Variants in CLMP observed in about 807,000 individuals in gnomAD.
The protein encoded by CLMP is CXADR-like membrane protein.
A neutral mutation model predicts 45.2 loss-of-function variants in CLMP; 27 were observed. The ratio of observed to expected loss-of-function variants is 0.60; its 90% confidence interval spans 0.44 to 0.82. The LOEUF is 0.82. CLMP is among the 40% of genes least tolerant of loss of function. The pLI, the probability that CLMP is intolerant of heterozygous loss-of-function variation, is 0.00. For synonymous variants in CLMP, 167 were observed against 171.4 expected, an observed-to-expected ratio of 0.97 and a Z score of 0.20; for missense variants, 403 against 448.4, an observed-to-expected ratio of 0.90 and a Z score of 0.91.
chr11:123,096,348 C>G (rs915058011), intron 2 of CLMP, among the ~76,000 whole-genome samples: 11 of 151,360 alleles, frequency 7.3e-5, no homozygotes, highest in African/African-American at 2.7e-4. Context: ...AGTGAGACTT[C>G]ATCTCAAACA....
chr11:123,159,722 T>G (rs1861459332), intron 1 of CLMP, among the ~76,000 whole-genome samples: 1 of 152,148 alleles, frequency 6.6e-6, no homozygotes, highest in Non-Finnish European at 1.5e-5. Context: ...TGTGGCACCT[T>G]GAGTCTGCAG....
chr11:123,158,488 C>T (rs1182610063), intron 1 of CLMP, among the ~76,000 whole-genome samples: 1 of 152,150 alleles, frequency 6.6e-6, no homozygotes, highest in Non-Finnish European at 1.5e-5. Context: ...TGGCCTGATG[C>T]CTTTGCAGCC....
chr11:123,091,305 A>C (rs1158331805), intron 2 of CLMP, among the ~76,000 whole-genome samples: 1 of 152,162 alleles, frequency 6.6e-6, no homozygotes, highest in African/African-American at 2.4e-5. Context: ...GGGTTTCACC[A>C]GTTTGGCCAA....
chr11:123,101,790 G>A (rs1257244257), intron 1 of CLMP, among the ~76,000 whole-genome samples: 1 of 152,198 alleles, frequency 6.6e-6, no homozygotes, highest in African/African-American at 2.4e-5. Flanking sequence ...AACCGCTTTT[G>A]CAAAGCTAAT....
chr11:123,177,885 TC>T (rs1342137505), intron 1 of CLMP, among the ~76,000 whole-genome samples: 1 of 152,216 alleles, frequency 6.6e-6, no homozygotes, highest in African/African-American at 2.4e-5. Flanking sequence ...ACACGGGGTC[TC>T]ACTCTGTTGC....
intron 1 of CLMP, among the ~76,000 whole-genome samples, chr11:123,139,784 C>A (rs911920863): frequency 6.6e-6 from 1 of 151,496 alleles, no homozygotes; most frequent in Non-Finnish European, 1.5e-5. Context: ...CTACTGCACT[C>A]CAGCCTGGGC....
chr11:123,118,929 T>C (rs866899285), intron 1 of CLMP, among the ~76,000 whole-genome samples: 1 of 99,338 alleles, frequency 1.0e-5, no homozygotes, highest in Non-Finnish European at 2.0e-5. Context: ...TTTTCTTTTC[T>C]TTTCTTTCTT....
At chr11:123,145,690 C>T (rs1039381967) in intron 1 of CLMP, among the ~76,000 whole-genome samples, 11 of 152,246 alleles carry the variant, frequency 7.2e-5, no homozygotes, top group Middle Eastern at 3.4e-3. Flanking sequence ...TATCGAGCTG[C>T]TGATCTCAAG....
At chr11:123,131,103 A>G (rs1274434942) in intron 1 of CLMP, among the ~76,000 whole-genome samples, 1 of 152,166 alleles carries the variant, frequency 6.6e-6, no homozygotes, top group Non-Finnish European at 1.5e-5. Context: ...TTGGGCTCTT[A>G]AAGTGCTGGG....
intron 1 of CLMP, among the ~76,000 whole-genome samples, chr11:123,120,620 G>A (rs758999313): frequency 8.6e-5 from 13 of 151,958 alleles, no homozygotes; most frequent in South Asian, 4.2e-4. Flanking sequence ...TATGAGAATC[G>A]AGTTAGTTTT....
intron 1 of CLMP, among the ~76,000 whole-genome samples, chr11:123,155,310 C>T (rs1861397953): frequency 6.6e-6 from 1 of 152,182 alleles, no homozygotes; most frequent in Non-Finnish European, 1.5e-5. Flanking sequence ...CTTTCTGACT[C>T]TGGCATTCTA....
intron 2 of CLMP, among the ~76,000 whole-genome samples, chr11:123,097,488 C>A (rs903588903): frequency 2.0e-5 from 3 of 152,118 alleles, no homozygotes; most frequent in African/African-American, 7.2e-5. Flanking sequence ...CAGGCATAGG[C>A]CACCACACCC....
intron 1 of CLMP, among the ~76,000 whole-genome samples, chr11:123,131,608 T>TTTTA (rs1462621740): frequency 8.6e-6 from 1 of 116,196 alleles, no homozygotes; most frequent in Admixed American, 1.0e-4. Context: ...TTTCTTTCTT[T>TTTTA]TTTCTTTTCT....
chr11:123,076,586 C>T (rs1020376740), intron 5 of CLMP, among the ~76,000 whole-genome samples: 1 of 152,058 alleles, frequency 6.6e-6, no homozygotes, highest in Middle Eastern at 3.4e-3. Context: ...ATATAAAGGA[C>T]GATCTTGTGA....
chr11:123,098,740 T>C (rs1866020020), intron 1 of CLMP, among the ~76,000 whole-genome samples: 1 of 139,496 alleles, frequency 7.2e-6, no homozygotes, highest in Admixed American at 7.7e-5. Context: ...AGAGTCTCGC[T>C]CTGTCACCCA....
In CLMP at chr11:123,102,410, A is replaced by G. The variant is rs181594136; in HGVS notation, c.29-4458T>C. ...ATTCTCCTGCCTCAGCCTCCTGAGTAGCTGGGACTACAGGCATGTGCCACC... is the reference window on the plus strand; with the variant it reads ...ATTCTCCTGCCTCAGCCTCCTGAGTGGCTGGGACTACAGGCATGTGCCACC... On this transcript the variant is annotated intron_variant, in intron 1 of 6. Coordinates refer to ENST00000448775, the MANE Select transcript of CLMP (RefSeq NM_024769.5). 1.0e-3 allele frequency among the ~76,000 whole-genome samples: 152 copies of G among 149,280 alleles called. 1 individual carries two copies. Among genetic ancestry groups the G allele is most frequent in the African/African-American group, 3.5e-3 (142 of 40,462 alleles).
intron 1 of CLMP, among the ~76,000 whole-genome samples, chr11:123,187,928 G>A (rs1861855040): frequency 1.3e-5 from 2 of 152,212 alleles, no homozygotes; most frequent in Non-Finnish European, 2.9e-5. Context: ...TAATGAGCAA[G>A]TGCTGTGAGG....
At chr11:123,124,520 A>T (rs1860862625) in intron 1 of CLMP, among the ~76,000 whole-genome samples, 1 of 152,252 alleles carries the variant, frequency 6.6e-6, no homozygotes, top group African/African-American at 2.4e-5. Context: ...AGCAGAGACT[A>T]GAAGGGCCAA....
At chr11:123,168,174 G>C (rs1023511903) in intron 1 of CLMP, among the ~76,000 whole-genome samples, 1 of 151,974 alleles carries the variant, frequency 6.6e-6, no homozygotes. Context: ...TTTATTCACT[G>C]CCTGTCCCCC....
Sources: allele counts gnomAD v4.1 joint callset (sites outside exome capture counted in the v4.1 genomes callset), GRCh38; gene constraint gnomAD v4.1.1; transcripts MANE v1.5; gene names NCBI Gene and HGNC (gene_info 2026-07-23, HGNC 2026-07-21).